Variants in GPR139 observed in about 807,000 individuals in gnomAD.
The protein encoded by GPR139 is G protein-coupled receptor 139, also known as probable G protein-coupled receptor 139.
Under a neutral mutation model 25.8 loss-of-function variants are expected in GPR139, and 12 were observed. The ratio of observed to expected loss-of-function variants is 0.47; its 90% CI spans 0.30 to 0.75. The LOEUF (loss-of-function observed/expected upper bound fraction) is 0.75. Ranked by LOEUF, GPR139 falls within the 30% of genes least tolerant of loss-of-function variation. The probability of loss-of-function intolerance (pLI) is 0.07; values close to 1 mark genes in which losing one functional copy is unlikely to be tolerated. For synonymous variants in GPR139, 184 were observed against 179.9 expected (o/e 1.02, Z -0.18); for missense variants, 380 against 450.2 (o/e 0.84, Z 1.41).
At position 20,038,513 on chromosome 16, in the gene GPR139, T is replaced by C. The variant is rs1446075382; in HGVS notation, c.128-5844A>G. On this transcript the variant is annotated intron_variant, in intron 1 of 1. Coordinates refer to ENST00000570682, the MANE Select transcript of GPR139 (RefSeq NM_001002911.4). ...TTAATGCTTTAAGTCAGGCAAGTCA[T>C]CAACTCCAAGTGAAATTGCTAGGTA... 4.6e-5 allele frequency among the ~76,000 whole-genome samples: 7 copies of C among 152,146 alleles called. 1 individual carries two copies. Among genetic ancestry groups the C allele is most frequent in the Admixed American group, 4.6e-4 (7 of 15,284 alleles).
intron 1 of GPR139, among the ~76,000 whole-genome samples, chr16:20,049,838 C>T (rs1030156361): frequency 6.6e-6 from 1 of 152,160 alleles, no homozygotes; most frequent in African/African-American, 2.4e-5. Context: ...TACATTAACA[C>T]AAATAAAGTG....
intron 1 of GPR139, among the ~76,000 whole-genome samples, chr16:20,058,869 G>A (rs1027116105): frequency 3.9e-5 from 6 of 152,158 alleles, no homozygotes; most frequent in South Asian, 2.1e-4. Flanking sequence ...AGCAGGATTC[G>A]CCCACTGCTA....
chr16:20,041,415 A>G (rs967871780), intron 1 of GPR139, among the ~76,000 whole-genome samples: 1 of 151,380 alleles, frequency 6.6e-6, no homozygotes, highest in Non-Finnish European at 1.5e-5. Flanking sequence ...AGGAAGATCA[A>G]TTTCTAAGAC....
chr16:20,064,063 G>A (rs2057423169), intron 1 of GPR139, among the ~76,000 whole-genome samples: 1 of 152,116 alleles, frequency 6.6e-6, no homozygotes, highest in Non-Finnish European at 1.5e-5. Flanking sequence ...GATCTCATGA[G>A]AACTCACTTT....
In GPR139 at chr16:20,038,339, G is replaced by A. The variant is rs949928516; in HGVS notation, c.128-5670C>T. On this transcript the variant is annotated intron_variant, in intron 1 of 1. Coordinates refer to ENST00000570682, the MANE Select transcript of GPR139 (RefSeq NM_001002911.4). The stretch of plus-strand genomic sequence containing the variant: ...CTGGATAATATATATATGTGTGTGT[G>A]TGTGTGTGTGTGTGTGTGTGTGTGT... Among the ~76,000 whole-genome samples the A allele has an allele frequency of 4.1e-3, 388 of 93,616 alleles. 2 individuals are homozygous for A. The highest frequency in any genetic ancestry group is 6.5e-3 in the Non-Finnish European group (277 of 42,342). 61.4% of individuals were successfully genotyped at this position (93,616 alleles called of 152,430 possible). A position where few individuals can be genotyped will look rare whatever the true frequency, so the allele number is the denominator to read the frequency against.
intron 1 of GPR139, among the ~76,000 whole-genome samples, chr16:20,042,587 T>A (rs1430296111): frequency 6.6e-6 from 1 of 152,202 alleles, no homozygotes; most frequent in African/African-American, 2.4e-5. Context: ...TATTGCATGA[T>A]GATTCAGTTG....
chr16:20,034,922 C>G (rs2057304700), intron 1 of GPR139, among the ~76,000 whole-genome samples: 1 of 151,916 alleles, frequency 6.6e-6, no homozygotes, highest in South Asian at 2.1e-4. Flanking sequence ...CAGGATTTTG[C>G]TGTTATAAAC....
intron 1 of GPR139, among the ~76,000 whole-genome samples, chr16:20,066,276 G>A (rs2057433716): frequency 6.6e-6 from 1 of 152,184 alleles, no homozygotes; most frequent in Non-Finnish European, 1.5e-5. Context: ...TCAGTGGCAG[G>A]ACCCTTTCTG....
chr16:20,059,777 A>T (rs896834212), intron 1 of GPR139, among the ~76,000 whole-genome samples: 11 of 152,316 alleles, frequency 7.2e-5, no homozygotes, highest in African/African-American at 2.6e-4. Flanking sequence ...CCTCATTCCC[A>T]GATGAGGAAA....
chr16:20,073,756 C>G lies in GPR139; in HGVS notation c.-140G>C. 1 of 1,125,022 alleles carries G rather than the reference C, an allele frequency of 8.9e-7. No homozygotes were observed. Among genetic ancestry groups the G allele is most frequent in the Non-Finnish European group, 1.2e-6 (1 of 821,724 alleles). 69.7% of individuals were successfully genotyped at this position (1,125,022 alleles called of 1,614,324 possible). On this transcript the variant is annotated 5_prime_UTR_variant, in exon 1 of 2. Coordinates refer to ENST00000570682, the MANE Select transcript of GPR139 (RefSeq NM_001002911.4). The surrounding 1 kb of genome is among the most constrained non-coding windows in gnomAD (Gnocchi z 4.7). The stretch of plus-strand genomic sequence containing the variant: ...TCTCCCCGCAGGACTGGCTCCTACC[C>G]TTGGCCGTGATCCCCTCTGCTCGCT...
intron 1 of GPR139, among the ~76,000 whole-genome samples, chr16:20,055,089 CCCTACCTCCT>C (rs1368564544): frequency 1.3e-5 from 2 of 151,858 alleles, no homozygotes; most frequent in Admixed American, 1.3e-4. Context: ...TTTTCTGATC[CCCTACCTCCT>C]CCCACCCTCC....
At chr16:20,072,866 A>G (rs1377476224) in intron 1 of GPR139, among the ~76,000 whole-genome samples, 1 of 152,014 alleles carries the variant, frequency 6.6e-6, no homozygotes, top group Non-Finnish European at 1.5e-5. Flanking sequence ...GTGTCTCTGC[A>G]CCCTTGCCCT....
At position 20,030,148 on chromosome 16, in the gene GPR139, T is replaced by C. The variant is rs1479411940; in HGVS notation, c.*1587A>G. On this transcript the variant is annotated 3_prime_UTR_variant, in exon 2 of 2. Transcript: ENST00000570682. ...CTGAAGTTTAGGGTTTGTGTTGCCA[T>C]GGGGCCTTTTCTTATCCCATTCATT... is the stretch of plus-strand genomic sequence containing the variant. 6.6e-6 allele frequency among the ~76,000 whole-genome samples: 1 copy of C among 152,188 alleles called. No individual in the cohort carries two copies. The highest frequency in any genetic ancestry group is 1.5e-5 in the Non-Finnish European group (1 of 68,038).
At chr16:20,041,021 C>G (rs1348333062) in intron 1 of GPR139, among the ~76,000 whole-genome samples, 1 of 151,020 alleles carries the variant, frequency 6.6e-6, no homozygotes, top group Non-Finnish European at 1.5e-5. Context: ...GCATCTCTCC[C>G]TTTGCTTGAA....
intron 1 of GPR139, among the ~76,000 whole-genome samples, chr16:20,040,324 ACCAGAGGTTT>A (rs1423386112): frequency 6.6e-6 from 1 of 152,166 alleles, no homozygotes; most frequent in African/African-American, 2.4e-5. Context: ...GCAATAGATA[ACCAGAGGTTT>A]CTTGGCCACT....
chr16:20,041,236 GAGAGGAGAGGAGAGGGAAGGAGAAA>G (rs1217312760), intron 1 of GPR139, among the ~76,000 whole-genome samples: 502 of 6,232 alleles, frequency 0.081, 173 homozygotes, highest in Non-Finnish European at 0.11. Context: ...GAGAGGAGAG[GAGAGGAGAGGAGAGGGAAGGAGAAA>G]AGAAAAGCAT....
At position 20,031,683 on chromosome 16, in the gene GPR139, T is replaced by C; in HGVS notation, c.*52A>G. The C allele has an allele frequency of 7.0e-7, 1 of 1,420,994 alleles. No individual in the cohort carries two copies. Among genetic ancestry groups the C allele is most frequent in the Non-Finnish European group, 9.9e-7 (1 of 1,013,478 alleles). The allele number at this position is 1,420,994 out of a possible 1,614,324, so 88.0% of individuals were successfully genotyped here. A position where few individuals can be genotyped will look rare whatever the true frequency, so the allele number is the denominator to read the frequency against. ...CTGCTCAGCCATAGGATGGGACACC[T>C]TCCCATCTGGAAATGGATTAGACAG... On this transcript the variant is annotated 3_prime_UTR_variant, in exon 2 of 2. Transcript: ENST00000570682.
At chr16:20,032,770 G>A in intron 1 of GPR139, 101 bp from the exon 2 acceptor site, 2 of 766,016 alleles carry the variant, frequency 2.6e-6, no homozygotes, top group Non-Finnish European at 4.2e-6. Context: ...TCCCATGGAA[G>A]TGAAAATGAT....
chr16:20,073,823 G>A lies in GPR139; in HGVS notation c.-207C>T. ...GGAGTCTTGGCTCAGCCCTCCCGCA[G>A]GGCGCGGGGCGCAGGGTGCGGGGCG... On this transcript the variant is annotated 5_prime_UTR_variant, in exon 1 of 2. Transcript: ENST00000570682. This position sits in a 1 kb window ranked among gnomAD's most constrained non-coding sequence, Gnocchi z 4.7. The A allele has an allele frequency of 1.7e-6, 1 of 598,566 alleles. No homozygotes were observed. Among genetic ancestry groups the A allele is most frequent in the East Asian group, 3.6e-5 (1 of 27,864 alleles). 37.1% of individuals were successfully genotyped at this position (598,566 alleles called of 1,614,324 possible). A position where few individuals can be genotyped will look rare whatever the true frequency, so the allele number is the denominator to read the frequency against.
Sources: allele counts gnomAD v4.1 joint callset (sites outside exome capture counted in the v4.1 genomes callset), GRCh38; gene constraint gnomAD v4.1.1; non-coding constraint Gnocchi (gnomAD v3.1); transcripts MANE v1.5; gene names NCBI Gene and HGNC (gene_info 2026-07-23, HGNC 2026-07-21).